The following FRS2 variants were observed in gnomAD, a reference collection of about 807,000 sequenced individuals.
The protein encoded by FRS2 is FGFR signalling adaptor.
In FRS2, 8 loss-of-function variants were observed where a neutral mutation model predicts 43.9. That is an observed-to-expected ratio of 0.18 (90% CI 0.11 to 0.33). The LOEUF (loss-of-function observed/expected upper bound fraction) is 0.33. Ranked by LOEUF, FRS2 falls within the 10% of genes least tolerant of loss-of-function variation. FRS2 has a pLI of 1.00. For missense variants in FRS2, 534 were observed against 627.6 expected (o/e 0.85, Z 1.59); for synonymous variants, 219 against 220.3 (o/e 0.99, Z 0.05).
chr12:69,539,460 ATTTATG>A (rs1644757949), intron 3 of FRS2, among the ~76,000 whole-genome samples: 1 of 152,162 alleles, frequency 6.6e-6, no homozygotes, highest in Admixed American at 6.5e-5. Context: ...TAAACACAAA[ATTTATG>A]TTTCATATAT....
At chr12:69,552,626 C>A (rs1000432625) in intron 3 of FRS2, among the ~76,000 whole-genome samples, 1 of 151,992 alleles carries the variant, frequency 6.6e-6, no homozygotes. Flanking sequence ...ATTACAGAGT[C>A]CACAGGGATT....
chr12:69,547,274 A>G (rs896135035), intron 3 of FRS2, among the ~76,000 whole-genome samples: 3 of 152,186 alleles, frequency 2.0e-5, no homozygotes, highest in Non-Finnish European at 2.9e-5. Flanking sequence ...AAGCCTAGGC[A>G]ACATAGTGAG....
At chr12:69,499,127 A>G (rs1203384101) in intron 1 of FRS2, among the ~76,000 whole-genome samples, 1 of 152,122 alleles carries the variant, frequency 6.6e-6, no homozygotes, top group Admixed American at 6.5e-5. Context: ...AAGCTGGCAG[A>G]GTAGGCAACT....
intron 8 of FRS2, among the ~76,000 whole-genome samples, chr12:69,573,210 A>G (rs1344053573): frequency 6.6e-6 from 1 of 152,166 alleles, no homozygotes; most frequent in Admixed American, 6.5e-5. Context: ...ACTTGGTGGC[A>G]TTTATTTTAT....
chr12:69,546,585 G>T (rs903447759), intron 3 of FRS2, among the ~76,000 whole-genome samples: 6 of 151,860 alleles, frequency 4.0e-5, no homozygotes, highest in African/African-American at 9.7e-5. Context: ...TAGAGATGGG[G>T]TTTTACCCTG....
intron 3 of FRS2, among the ~76,000 whole-genome samples, chr12:69,541,961 A>G (rs1877951132): frequency 6.6e-6 from 1 of 152,140 alleles, no homozygotes; most frequent in Non-Finnish European, 1.5e-5. Flanking sequence ...TATAATTTAA[A>G]GGGAGATACT....
At chr12:69,478,038 G>A (rs1871001051) in intron 1 of FRS2, among the ~76,000 whole-genome samples, 1 of 152,086 alleles carries the variant, frequency 6.6e-6, no homozygotes, top group Non-Finnish European at 1.5e-5. Flanking sequence ...ACCGCGCCCG[G>A]CTGTTTATTT....
chr12:69,525,527 A>T (rs1472154549), intron 1 of FRS2, among the ~76,000 whole-genome samples: 1 of 152,168 alleles, frequency 6.6e-6, no homozygotes, highest in Non-Finnish European at 1.5e-5. Context: ...TATGTTCCTA[A>T]TTCTAGGTCT....
chr12:69,569,933 C>A (rs1455326085), intron 5 of FRS2, among the ~76,000 whole-genome samples: 1 of 152,028 alleles, frequency 6.6e-6, no homozygotes, highest in East Asian at 1.9e-4. Flanking sequence ...TTATGATGTC[C>A]CTTTATCTCC....
At chr12:69,522,269 C>T (rs1875751597) in intron 1 of FRS2, among the ~76,000 whole-genome samples, 1 of 150,638 alleles carries the variant, frequency 6.6e-6, no homozygotes, top group Admixed American at 6.7e-5. Context: ...GGATGATGCT[C>T]ACCTCATAGA....
chr12:69,569,469 C>T (rs1325962260), intron 5 of FRS2, among the ~76,000 whole-genome samples: 2 of 152,120 alleles, frequency 1.3e-5, no homozygotes, highest in African/African-American at 2.4e-5. Flanking sequence ...CTGTAGTCAC[C>T]ATCAAATTAA....
intron 1 of FRS2, among the ~76,000 whole-genome samples, chr12:69,502,166 G>C (rs758419378): frequency 6.6e-6 from 1 of 151,848 alleles, no homozygotes; most frequent in Non-Finnish European, 1.5e-5. Flanking sequence ...GGGTTTTACC[G>C]TGTTGGCCAG....
chr12:69,534,715 T>G (rs1877112777), intron 3 of FRS2, among the ~76,000 whole-genome samples: 1 of 152,192 alleles, frequency 6.6e-6, no homozygotes, highest in Non-Finnish European at 1.5e-5. Flanking sequence ...GGGCAGCATG[T>G]AGAAACTACA....
At chr12:69,518,556 A>G (rs1875292610) in intron 1 of FRS2, among the ~76,000 whole-genome samples, 1 of 152,018 alleles carries the variant, frequency 6.6e-6, no homozygotes, top group South Asian at 2.1e-4. Flanking sequence ...AAACATAGAA[A>G]AAATATAATT....
rs1476476563 is a variant in FRS2 at position 69,521,526 on chromosome 12, G to A, written c.-260-9339G>A. ...CCAGCTTTTGCCCTTTCAGTATGAT[G>A]TTGGCTGTGGGTTTGTCATAGATAG... On this transcript the variant is annotated intron_variant, in intron 1 of 8. Transcript: ENST00000549921. 3.3e-5 allele frequency among the ~76,000 whole-genome samples: 5 copies of A among 152,142 alleles called. No homozygotes were observed. In the East Asian group the frequency reaches 9.6e-4, roughly 29 times the overall value.
At chr12:69,573,323 G>A (rs1404138645) in intron 8 of FRS2, among the ~76,000 whole-genome samples, 2 of 151,898 alleles carry the variant, frequency 1.3e-5, no homozygotes, top group African/African-American at 4.8e-5. Flanking sequence ...TTTCAAAGTC[G>A]TTATTTATTT....
chr12:69,547,924 C>T (rs1593032222), intron 3 of FRS2, among the ~76,000 whole-genome samples: 1 of 147,438 alleles, frequency 6.8e-6, no homozygotes, highest in Non-Finnish European at 1.5e-5. Context: ...CACACAGCCT[C>T]TGACTTCTGG....
intron 3 of FRS2, among the ~76,000 whole-genome samples, chr12:69,545,188 A>G (rs908031634): frequency 6.6e-6 from 1 of 152,240 alleles, no homozygotes; most frequent in African/African-American, 2.4e-5. Context: ...GGAAGTCTTC[A>G]TATTGTTAAG....
intron 3 of FRS2, among the ~76,000 whole-genome samples, chr12:69,544,943 G>A (rs1593025670): frequency 6.6e-6 from 1 of 152,204 alleles, no homozygotes; most frequent in East Asian, 1.9e-4. Flanking sequence ...TTGGAAAGAA[G>A]TAAAGTGGTC....
Sources: gnomAD v4.1 joint callset for allele counts (sites outside exome capture counted in the v4.1 genomes callset) on GRCh38, gnomAD v4.1.1 for gene constraint, MANE v1.5 for transcripts, NCBI Gene and HGNC (gene_info 2026-07-23, HGNC 2026-07-21) for gene names.